RGS10: variants seen among roughly 807,000 people sequenced by gnomAD.
The protein encoded by RGS10 is regulator of G-protein signalling 10.
A neutral mutation model predicts 23.5 loss-of-function variants in RGS10; 11 were observed. The ratio of observed to expected loss-of-function variants is 0.47; its 90% confidence interval spans 0.29 to 0.77. The LOEUF (loss-of-function observed/expected upper bound fraction) is 0.77. Among genes scored for constraint, RGS10 ranks in the 30% least tolerant of loss-of-function variants. The pLI is 0.08. For synonymous variants in RGS10, 77 were observed against 83.2 expected (o/e 0.92, Z 0.41); for missense variants, 180 against 226.3 (o/e 0.80, Z 1.31).
chr10:119,500,679 A>G (rs1254492014), intron 4 of RGS10, among the ~76,000 whole-genome samples: 2 of 151,046 alleles, frequency 1.3e-5, no homozygotes, highest in Admixed American at 6.6e-5. Flanking sequence ...CTGACATATC[A>G]TATGATGCCA....
chr10:119,516,301 C>A (rs1209722764), intron 3 of RGS10: 1 of 151,708 alleles, frequency 6.6e-6, no homozygotes, highest in East Asian at 1.9e-4. Flanking sequence ...ACTATCCCTA[C>A]CAGTTATTAA....
rs538529494 is a variant in RGS10 at position 119,535,476 on chromosome 10, T to C, written c.49+7114A>G. 3.3e-5 allele frequency among the ~76,000 whole-genome samples: 5 copies of C among 152,296 alleles called. No individual in the cohort carries two copies. In the South Asian group the frequency reaches 6.2e-4, roughly 19 times the overall value. The stretch of plus-strand genomic sequence containing the variant: ...AGCTTATTTTATGATGCATTATTTA[T>C]AGATGCTATGATGTCATATCTAACA... On this transcript the variant is annotated intron_variant, in intron 1 of 4. Transcript: ENST00000369103.
chr10:119,537,202 G>A (rs577562997), intron 1 of RGS10, among the ~76,000 whole-genome samples: 3 of 151,942 alleles, frequency 2.0e-5, no homozygotes, highest in East Asian at 1.9e-4. Flanking sequence ...AGACCAGCCC[G>A]ACCAATGTGG....
chr10:119,502,101 C>G (rs1198466296), intron 4 of RGS10, among the ~76,000 whole-genome samples: 1 of 151,980 alleles, frequency 6.6e-6, no homozygotes, highest in African/African-American at 2.4e-5. Flanking sequence ...TCCTGTAATT[C>G]CAGGTGTGAT....
chr10:119,527,306 C>G lies in RGS10; in HGVS notation c.168G>C (p.Arg56Ser). 6.2e-7 allele frequency: 1 copy of G among 1,610,066 alleles called. No homozygotes were observed. Among genetic ancestry groups the G allele is most frequent in the South Asian group, 1.1e-5 (1 of 90,958 alleles). Residue 56 changes from arginine to serine, a missense_variant and splice_region_variant, in exon 2 of 5, where the codon AGG becomes AGC. Arg to Ser is a moderately radical substitution (Grantham distance 110). Coordinates refer to ENST00000369103, the MANE Select transcript of RGS10 (RefSeq NM_001005339.2). This position sits in a 1 kb window ranked among gnomAD's most constrained non-coding sequence, Gnocchi z 4.2. ...CCGATTAACAATGAAAAAGACAAAC[C>G]CTAAATCTTTTCACGCCTTCTGGGT... is the stretch of plus-strand genomic sequence containing the variant. ...LEDPEGVKRF[R>S]EFLKKEFSEE...
rs986188855 is a variant in RGS10 at position 119,524,117 on chromosome 10, G to A, written c.255+1915C>T. ...CCCGTTGCCCACGCCTTGCTCCCAC[G>A]ACACATGTGCTTCCCATCTCTACAC... On this transcript the variant is annotated intron_variant, in intron 3 of 4. Coordinates refer to ENST00000369103, the MANE Select transcript of RGS10 (RefSeq NM_001005339.2). This position sits in a 1 kb window ranked among gnomAD's most constrained non-coding sequence, Gnocchi z 5.2. Among the ~76,000 whole-genome samples, 3 of 152,106 alleles carry A rather than the reference G, an allele frequency of 2.0e-5. No homozygotes were observed. Among genetic ancestry groups the A allele is most frequent in the Admixed American group, 6.6e-5 (1 of 15,264 alleles).
At chr10:119,536,182 C>G (rs1241983550) in intron 1 of RGS10, among the ~76,000 whole-genome samples, 3 of 152,146 alleles carry the variant, frequency 2.0e-5, no homozygotes, top group Admixed American at 6.5e-5. Flanking sequence ...GAAATAACAT[C>G]AAAAGTGAAA....
rs1844160479 is a variant in RGS10, at chr10:119,517,535, C to A, written c.256-1883G>T. ...CACCCCCATTCCGTCAGGAAGCAAC[C>A]CTTTTGGAAAACCACTTCCTGTTTT... On this transcript the variant is annotated intron_variant, in intron 3 of 4. Coordinates refer to ENST00000369103, the MANE Select transcript of RGS10 (RefSeq NM_001005339.2). The surrounding 1 kb of genome is among the most constrained non-coding windows in gnomAD (Gnocchi z 5.0). Among the ~76,000 whole-genome samples the A allele has an allele frequency of 1.3e-5, 2 of 152,182 alleles. No individual in the cohort carries two copies. Among genetic ancestry groups the A allele is most frequent in the South Asian group, 4.1e-4 (2 of 4,834 alleles).
At chr10:119,530,475 T>C (rs1359459978) in intron 1 of RGS10, among the ~76,000 whole-genome samples, 2 of 152,068 alleles carry the variant, frequency 1.3e-5, no homozygotes, top group East Asian at 3.9e-4. Flanking sequence ...GATGGCTTGA[T>C]CTCAGGAGTT....
chr10:119,530,694 A>G (rs944924400), intron 1 of RGS10, among the ~76,000 whole-genome samples: 1 of 152,212 alleles, frequency 6.6e-6, no homozygotes, highest in Non-Finnish European at 1.5e-5. Flanking sequence ...GCATAGTGGC[A>G]TGTGCCTTTA....
intron 4 of RGS10, among the ~76,000 whole-genome samples, chr10:119,504,544 G>A (rs1445085716): frequency 6.6e-6 from 1 of 152,230 alleles, no homozygotes; most frequent in Non-Finnish European, 1.5e-5. Context: ...AAGGTCAGTA[G>A]TGGGGTGAAT....
At position 119,538,691 on chromosome 10, in the gene RGS10, C is replaced by T. The variant is rs1260342096; in HGVS notation, c.49+3899G>A. Among the ~76,000 whole-genome samples the T allele has an allele frequency of 5.9e-5, 9 of 152,018 alleles. No individual in the cohort carries two copies. Among genetic ancestry groups the T allele is most frequent in the Admixed American group, 5.9e-4 (9 of 15,258 alleles). ...AACTTGCTTGGAAGGGAAATTTGTC[C>T]CCACAAGTCTGCAAGGGACTGTCTC... On this transcript the variant is annotated intron_variant, in intron 1 of 4. Transcript: ENST00000369103. This position sits in a 1 kb window ranked among gnomAD's most constrained non-coding sequence, Gnocchi z 4.5.
intron 1 of RGS10, among the ~76,000 whole-genome samples, chr10:119,534,735 A>G (rs1844369551): frequency 1.3e-5 from 2 of 149,776 alleles, no homozygotes; most frequent in Non-Finnish European, 3.0e-5. Context: ...CTAAAAATAC[A>G]AAAAATTAGC....
chr10:119,519,876 C>A (rs1032403302), intron 3 of RGS10, among the ~76,000 whole-genome samples: 1 of 152,234 alleles, frequency 6.6e-6, no homozygotes, highest in Non-Finnish European at 1.5e-5. Context: ...CATGTCCCCC[C>A]CAGATTTCAG....
chr10:119,515,311 G>C (rs983064901), intron 4 of RGS10, 198 bp downstream of exon 4: 1 of 614,948 alleles, frequency 1.6e-6, no homozygotes, highest in Admixed American at 2.9e-5. Context: ...GGCCTGGGGG[G>C]ACTCCTGTGG....
At chr10:119,533,597 C>G (rs1244729851) in intron 1 of RGS10, among the ~76,000 whole-genome samples, 1 of 152,152 alleles carries the variant, frequency 6.6e-6, no homozygotes, top group East Asian at 1.9e-4. Flanking sequence ...TTCTTCTATC[C>G]CTTTTCATTG....
At chr10:119,528,082 G>A (rs1401786512) in intron 1 of RGS10, among the ~76,000 whole-genome samples, 2 of 152,156 alleles carry the variant, frequency 1.3e-5, no homozygotes, top group East Asian at 1.9e-4. Context: ...CCAGTCTGGA[G>A]TGCAGTAGCA....
chr10:119,534,601 A>C (rs1003540604), intron 1 of RGS10, among the ~76,000 whole-genome samples: 5 of 144,044 alleles, frequency 3.5e-5, no homozygotes. Flanking sequence ...AAAAAAAAAA[A>C]AAAAAAAAGG....
rs984032138 is a variant in RGS10 at position 119,527,174 on chromosome 10, T to C, written c.168+132A>G. Reference sequence around the variant, plus strand: ...CTCACCCTCAAGCTGGGATAGACAGTACTGAACTCTCAAGCTGGCATAGAG... The same window carrying C: ...CTCACCCTCAAGCTGGGATAGACAGCACTGAACTCTCAAGCTGGCATAGAG... On this transcript the variant is annotated intron_variant, in intron 2 of 4. Coordinates refer to ENST00000369103, the MANE Select transcript of RGS10 (RefSeq NM_001005339.2). This position sits in a 1 kb window ranked among gnomAD's most constrained non-coding sequence, Gnocchi z 4.2. 8.0e-5 allele frequency: 51 copies of C among 639,536 alleles called. No individual in the cohort carries two copies. In the South Asian group the frequency reaches 9.0e-4, roughly 11 times the overall value. The allele number at this position is 639,536 out of a possible 1,614,324, so 39.6% of individuals were successfully genotyped here.
Sources: allele counts gnomAD v4.1 joint callset (sites outside exome capture counted in the v4.1 genomes callset), GRCh38; gene constraint gnomAD v4.1.1; non-coding constraint Gnocchi (gnomAD v3.1); transcripts MANE v1.5; gene names NCBI Gene and HGNC (gene_info 2026-07-23, HGNC 2026-07-21).